Variants in PPARD observed in about 807,000 individuals in gnomAD.
PPARD encodes peroxisome proliferator activated receptor delta, also known as peroxisome proliferator-activated receptor delta.
PPARD carries 6 observed loss-of-function variants against 39.5 expected under a neutral mutation model. That is an observed-to-expected ratio of 0.15 (90% CI 0.08 to 0.30). The LOEUF is 0.30. Ranked by LOEUF, PPARD falls within the 10% of genes least tolerant of loss-of-function variation. PPARD has a pLI of 1.00. For missense variants in PPARD, 397 were observed against 596.8 expected (o/e 0.67, Z 3.49); for synonymous variants, 210 against 231.3 (o/e 0.91, Z 0.83).
Position 35,404,953 on chromosome 6 carries a change from T to TTGTGTGTGTG in PPARD, c.-101-5996_-101-5987dup, listed in dbSNP as rs59359748. ...GGGGGCTGCATGTGCACTGCAGGCT[T>TTGTGTGTGTG]TGTGTGTGTGTGTGTGTGTGTGTGT... On this transcript the variant is annotated intron_variant, in intron 2 of 7. Coordinates refer to ENST00000360694, the MANE Select transcript of PPARD (RefSeq NM_006238.5). Among the ~76,000 whole-genome samples, 1,061 of 142,204 alleles carry TTGTGTGTGTG rather than the reference T, an allele frequency of 7.5e-3. 12 individuals carry two copies. The highest frequency in any genetic ancestry group is 0.021 in the African/African-American group (789 of 37,334). 93.3% of individuals were successfully genotyped at this position (142,204 alleles called of 152,430 possible).
chr6:35,355,522 A>G (rs1195029564), intron 2 of PPARD, among the ~76,000 whole-genome samples: 1 of 132,052 alleles, frequency 7.6e-6, no homozygotes, highest in Non-Finnish European at 1.6e-5. Context: ...ACTGTACTCC[A>G]GCCTGGGTGA....
At chr6:35,361,529 T>C (rs1479584727) in intron 2 of PPARD, among the ~76,000 whole-genome samples, 1 of 152,192 alleles carries the variant, frequency 6.6e-6, no homozygotes, top group Non-Finnish European at 1.5e-5. Context: ...AAAATAACTT[T>C]AATGTTATTT....
intron 2 of PPARD, among the ~76,000 whole-genome samples, chr6:35,372,218 C>A (rs958590923): frequency 6.6e-6 from 1 of 152,200 alleles, no homozygotes; most frequent in African/African-American, 2.4e-5. Flanking sequence ...CGCTCTGTTG[C>A]CTAGGCTGGA....
intron 2 of PPARD, among the ~76,000 whole-genome samples, chr6:35,376,253 C>T (rs1581573183): frequency 6.6e-6 from 1 of 152,306 alleles, no homozygotes; most frequent in South Asian, 2.1e-4. Flanking sequence ...CAGCCATTGC[C>T]TCTTTGGCTT....
At chr6:35,410,238 G>C (rs898423508) in intron 2 of PPARD, among the ~76,000 whole-genome samples, 1 of 152,172 alleles carries the variant, frequency 6.6e-6, no homozygotes, top group Non-Finnish European at 1.5e-5. Context: ...TTTCCCCGCT[G>C]GGAGACTCTC....
chr6:35,385,108 C>T lies in PPARD; in HGVS notation c.-101-25879C>T, dbSNP rs1412965935. On this transcript the variant is annotated intron_variant, in intron 2 of 7. Coordinates refer to ENST00000360694, the MANE Select transcript of PPARD (RefSeq NM_006238.5). ...TACTGGGAAGTGAGGAGCCCCTCTG[C>T]CCGGCCACCACCCCGTCTGGGAGGT... 1.6e-4 allele frequency among the ~76,000 whole-genome samples: 23 copies of T among 146,360 alleles called. No individual in the cohort carries two copies. In the South Asian group the frequency reaches 4.7e-3, roughly 30 times the overall value.
At chr6:35,386,236 CTTAG>C (rs1763648741) in intron 2 of PPARD, among the ~76,000 whole-genome samples, 1 of 151,338 alleles carries the variant, frequency 6.6e-6, no homozygotes, top group African/African-American at 2.4e-5. Context: ...ATTTGTAGTT[CTTAG>C]TCGTTTTCAA....
At chr6:35,380,640 T>A (rs114722957) in intron 2 of PPARD, among the ~76,000 whole-genome samples, 4,245 of 152,044 alleles carry the variant, frequency 0.028, 169 homozygotes, top group African/African-American at 0.082. Context: ...TACAGGCACA[T>A]GCACCACACC....
At chr6:35,394,148 C>T (rs1764176227) in intron 2 of PPARD, among the ~76,000 whole-genome samples, 1 of 152,216 alleles carries the variant, frequency 6.6e-6, no homozygotes, top group Non-Finnish European at 1.5e-5. Context: ...GACTGGTTTC[C>T]CCTCCCAGTA....
intron 2 of PPARD, among the ~76,000 whole-genome samples, chr6:35,365,078 CTTA>C (rs2150511641): frequency 6.6e-6 from 1 of 150,688 alleles, no homozygotes; most frequent in African/African-American, 2.4e-5. Flanking sequence ...CCTTGCTTCA[CTTA>C]TTATATCTTG....
chr6:35,416,719 G>C (rs1240036818), intron 3 of PPARD, among the ~76,000 whole-genome samples: 1 of 152,148 alleles, frequency 6.6e-6, no homozygotes, highest in Admixed American at 6.5e-5. Context: ...AGTATGAGAA[G>C]AATTCTGCCA....
intron 4 of PPARD, among the ~76,000 whole-genome samples, chr6:35,421,013 G>A (rs1290380254): frequency 6.6e-6 from 1 of 152,004 alleles, no homozygotes; most frequent in Non-Finnish European, 1.5e-5. Context: ...TTTTAGTAGA[G>A]ATGGGGTTTC....
chr6:35,389,917 C>T (rs1369509002), intron 2 of PPARD, among the ~76,000 whole-genome samples: 2 of 152,170 alleles, frequency 1.3e-5, no homozygotes, highest in Non-Finnish European at 2.9e-5. Context: ...TTTCTTTGCC[C>T]CTCTCCACTC....
chr6:35,375,582 C>G (rs1407845642), intron 2 of PPARD, among the ~76,000 whole-genome samples: 5 of 152,064 alleles, frequency 3.3e-5, no homozygotes, highest in Non-Finnish European at 7.4e-5. Flanking sequence ...CAGGGTCTAG[C>G]TCTTTTGCCT....
intron 2 of PPARD, among the ~76,000 whole-genome samples, chr6:35,384,514 G>A (rs1581593416): frequency 1.7e-5 from 2 of 120,274 alleles, no homozygotes; most frequent in Non-Finnish European, 3.4e-5. Context: ...CCGGCCAGCC[G>A]CCCCGTCCGG....
At chr6:35,345,658 T>C (rs1218703086) in intron 1 of PPARD, among the ~76,000 whole-genome samples, 1 of 152,092 alleles carries the variant, frequency 6.6e-6, no homozygotes, top group Non-Finnish European at 1.5e-5. Flanking sequence ...ACTCAGCCTT[T>C]CAACCCGACC....
chr6:35,345,773 C>G (rs998814870), intron 1 of PPARD, among the ~76,000 whole-genome samples: 2 of 152,156 alleles, frequency 1.3e-5, no homozygotes, highest in African/African-American at 4.8e-5. Context: ...TACAGCTGTC[C>G]TGACTGTTGT....
chr6:35,347,056 C>A lies in PPARD; in HGVS notation c.-185-11C>A, dbSNP rs201724504. On this transcript the variant is annotated splice_polypyrimidine_tract_variant and intron_variant, in intron 1 of 7. Transcript: ENST00000360694. ...TCAGCTAAAGCTGTTGGGGTTTTTT[C>A]TATCCTGCAGTGTTGTACAGTGTTT... 3 of 1,508,930 alleles carry A rather than the reference C, an allele frequency of 2.0e-6. No homozygotes were observed. The African/African-American group carries it at 4.2e-5, about 21-fold the overall frequency. 93.5% of individuals were successfully genotyped at this position (1,508,930 alleles called of 1,614,324 possible).
At chr6:35,418,986 G>A (rs930753819) in intron 3 of PPARD, among the ~76,000 whole-genome samples, 12 of 152,212 alleles carry the variant, frequency 7.9e-5, no homozygotes, top group African/African-American at 2.7e-4. Context: ...ATTGGTAGCA[G>A]GTGGATAGGT....
Sources: allele counts gnomAD v4.1 joint callset (sites outside exome capture counted in the v4.1 genomes callset), GRCh38; gene constraint gnomAD v4.1.1; transcripts MANE v1.5; gene names NCBI Gene and HGNC (gene_info 2026-07-23, HGNC 2026-07-21).